LRRC66: variants seen among roughly 807,000 people sequenced by gnomAD.
LRRC66 encodes the protein leucine-rich repeat-containing protein 66.
Under a neutral mutation model 24.6 loss-of-function variants are expected in LRRC66, and 29 were observed. The observed-to-expected ratio is 1.18, with a 90% CI of 0.88 to 1.61. The LOEUF (loss-of-function observed/expected upper bound fraction) is 1.61. Among genes scored for constraint, LRRC66 ranks in the 40% most tolerant of loss-of-function variants. The pLI, the probability that LRRC66 is intolerant of heterozygous loss-of-function variation, is 0.00. For synonymous variants in LRRC66, 411 were observed against 397.6 expected, an observed-to-expected ratio of 1.03 and a Z score of -0.40; for missense variants, 1,124 against 1,058.0, an observed-to-expected ratio of 1.06 and a Z score of -0.87.
At chr4:52,017,902 G>T (rs977209243) in intron 1 of LRRC66, 56 of 985,266 alleles carry the variant, frequency 5.7e-5, no homozygotes, top group Non-Finnish European at 6.5e-5. Flanking sequence ...TGCTTTTCCA[G>T]TAGTTTTCAC....
chr4:51,997,510 T>C (rs180934764), intron 4 of LRRC66, among the ~76,000 whole-genome samples: 14 of 152,314 alleles, frequency 9.2e-5, no homozygotes, highest in East Asian at 1.9e-4. Context: ...CCAAATCCAA[T>C]TGATGCTGAG....
rs375611907 is a variant in LRRC66, at chr4:51,996,066, C to T, written c.956G>A (p.Ser319Asn). ...TCCTCCCTGGGGCCTCTCTGCTTTG[C>T]TCCTTATGAGGCTTTTCATGCGATG... ...HLHRMKSLIR[S>N]KAERPQGGRH... The change falls in exon 5 of 5, where the codon AGC (serine) becomes AAC (asparagine). Residue 319 changes from serine to asparagine, a missense_variant. Transcript: ENST00000682860. 3.7e-6 allele frequency: 6 copies of T among 1,613,972 alleles called. No individual in the cohort carries two copies. The highest frequency in any genetic ancestry group is 3.3e-5 in the South Asian group (3 of 91,082).
At chr4:52,016,776 C>A (rs1736821241) in intron 2 of LRRC66, among the ~76,000 whole-genome samples, 1 of 152,022 alleles carries the variant, frequency 6.6e-6, no homozygotes, top group Non-Finnish European at 1.5e-5. Flanking sequence ...TGTATTTGAA[C>A]TAGTTATTGC....
Position 52,003,143 on chromosome 4 carries a change from ACT to A in LRRC66, c.666+78_666+79del, listed in dbSNP as rs1736492972. ...AGCCAGTACTACTGGACATGAAGAA[ACT>A]CTTCAATAGAAATATGCTTCTAATG... On this transcript the variant is annotated intron_variant, in intron 3 of 4. Transcript: ENST00000682860. 2.6e-5 allele frequency: 30 copies of A among 1,132,182 alleles called. No individual in the cohort carries two copies. In the South Asian group the frequency reaches 4.7e-4, roughly 18 times the overall value. 70.1% of individuals were successfully genotyped at this position (1,132,182 alleles called of 1,614,324 possible).
At chr4:52,018,700 C>A (rs1298204311) in intron 1 of LRRC66, 17 of 645,422 alleles carry the variant, frequency 2.6e-5, no homozygotes, top group Non-Finnish European at 3.1e-5. Flanking sequence ...TGCCTATAGT[C>A]CAAATCCCTC....
Position 52,008,937 on chromosome 4 carries a change from TA to T in LRRC66, c.497-5546del, listed in dbSNP as rs1488155115. On this transcript the variant is annotated intron_variant, in intron 2 of 4. Coordinates refer to ENST00000682860, the MANE Select transcript of LRRC66 (RefSeq NM_001024611.3). ...AAAAACATATTGTGGAAATTATATA[TA>T]GGGGTAAAATGTAGGACAATACCTG... Among the ~76,000 whole-genome samples, 11 of 152,174 alleles carry T rather than the reference TA, an allele frequency of 7.2e-5. No homozygotes were observed. The Middle Eastern group carries it at 0.014, about 188-fold the overall frequency.
intron 2 of LRRC66, among the ~76,000 whole-genome samples, chr4:52,006,354 T>C (rs921637389): frequency 1.3e-5 from 2 of 151,964 alleles, no homozygotes; most frequent in Non-Finnish European, 2.9e-5. Context: ...ATATACACCA[T>C]GGAATACTAT....
chr4:52,006,731 A>AT (rs1736594865), intron 2 of LRRC66, among the ~76,000 whole-genome samples: 1 of 148,426 alleles, frequency 6.7e-6, no homozygotes, highest in Non-Finnish European at 1.5e-5. Flanking sequence ...ATAATAAAGA[A>AT]AAAAAAACAA....
chr4:52,019,008 C>A (rs943377936), intron 1 of LRRC66, among the ~76,000 whole-genome samples: 2 of 152,214 alleles, frequency 1.3e-5, no homozygotes, highest in Admixed American at 6.5e-5. Context: ...TCCCGAGTAG[C>A]TGGGATTACA....
chr4:51,993,976 A>G lies in LRRC66; in HGVS notation c.*403T>C. ...CTCCAGGTCTGTATTTGAGAAGGAA[A>G]GTTAGAACCACTTCGTCTAACTGCA... On this transcript the variant is annotated 3_prime_UTR_variant, in exon 5 of 5. Transcript: ENST00000682860. The G allele has an allele frequency of 6.1e-6, 1 of 164,242 alleles. No individual in the cohort carries two copies. The highest frequency in any genetic ancestry group is 1.3e-5 in the Non-Finnish European group (1 of 76,022). 10.2% of individuals were successfully genotyped at this position (164,242 alleles called of 1,614,324 possible). A position where few individuals can be genotyped will look rare whatever the true frequency, so the allele number is the denominator to read the frequency against.
At position 52,017,165 on chromosome 4, in the gene LRRC66, A is replaced by C. The variant is rs76514252; in HGVS notation, c.449T>G (p.Leu150Arg). Residue 150 changes from leucine (L) to arginine (R), a missense_variant, in exon 2 of 5, where the codon CTG (leucine) becomes CGG (arginine). Transcript: ENST00000682860. ...RSSFRNRFPL[L>R]KVLILQRNKL... ...ATTTCTTTGAAGAATGAGCACCTTC[A>C]GCAATGGAAACCTGTTTCTGAAGCT... 2.0e-3 allele frequency: 3,250 copies of C among 1,614,104 alleles called. 22 individuals are homozygous for C. In the African/African-American group the frequency reaches 0.025, roughly 12 times the overall value.
At chr4:51,999,832 T>C (rs1736406879) in intron 3 of LRRC66, among the ~76,000 whole-genome samples, 1 of 152,180 alleles carries the variant, frequency 6.6e-6, no homozygotes, top group Non-Finnish European at 1.5e-5. Context: ...GGGAGAAGCA[T>C]ATGTAATATT....
At chr4:51,999,644 G>T (rs573829051) in intron 3 of LRRC66, among the ~76,000 whole-genome samples, 2 of 152,082 alleles carry the variant, frequency 1.3e-5, no homozygotes, top group Non-Finnish European at 1.5e-5. Context: ...TTTTGTCCTA[G>T]CGTCTTATTA....
intron 2 of LRRC66, among the ~76,000 whole-genome samples, chr4:52,012,237 C>T (rs1464727036): frequency 1.3e-5 from 2 of 151,716 alleles, no homozygotes; most frequent in East Asian, 1.9e-4. Context: ...CCCGAACATA[C>T]CCAAGCATGT....
At chr4:52,013,875 C>CA (rs1211114459) in intron 2 of LRRC66, among the ~76,000 whole-genome samples, 1 of 152,202 alleles carries the variant, frequency 6.6e-6, no homozygotes, top group Non-Finnish European at 1.5e-5. Flanking sequence ...TAGATGAATG[C>CA]AAGTGCCTAT....
At chr4:51,998,622 T>G (rs1189232508) in intron 3 of LRRC66, among the ~76,000 whole-genome samples, 1 of 152,174 alleles carries the variant, frequency 6.6e-6, no homozygotes, top group Non-Finnish European at 1.5e-5. Context: ...ATTCAGTACA[T>G]GCAGTATGAC....
At chr4:52,017,054 T>C in intron 2 of LRRC66, 64 bp downstream of exon 2, 1 of 1,507,502 alleles carries the variant, frequency 6.6e-7, no homozygotes, top group Non-Finnish European at 8.9e-7. Context: ...AATGTGGAAT[T>C]CTTATGAACA....
At position 52,014,737 on chromosome 4, in the gene LRRC66, ATAATT is replaced by A. The variant is rs1736774166; in HGVS notation, c.496+2376_496+2380del. On this transcript the variant is annotated intron_variant, in intron 2 of 4. Coordinates refer to ENST00000682860, the MANE Select transcript of LRRC66 (RefSeq NM_001024611.3). ...AAACTAATATGATGATTATGGGAAA[ATAATT>A]TAAATCACAAAATACTATGGATAAA... Among the ~76,000 whole-genome samples, 3 of 152,232 alleles carry A rather than the reference ATAATT, an allele frequency of 2.0e-5. No individual in the cohort carries two copies. The South Asian group carries it at 6.2e-4, about 31-fold the overall frequency.
In LRRC66 at chr4:52,019,369, A is replaced by G. The variant is rs74616097; in HGVS notation, c.-6+935T>C. Among the ~76,000 whole-genome samples, 558 of 152,024 alleles carry G rather than the reference A, an allele frequency of 3.7e-3. 5 individuals carry two copies. Among genetic ancestry groups the G allele is most frequent in the African/African-American group, 0.013 (531 of 41,526 alleles). On this transcript the variant is annotated intron_variant, in intron 1 of 4. Coordinates refer to ENST00000682860, the MANE Select transcript of LRRC66 (RefSeq NM_001024611.3). ...TCTGTTCTGAACTCCCAAAAAAAAA[A>G]GGAACATTATCTATCTATCTATCTA... is the stretch of plus-strand genomic sequence containing the variant.
Sources: allele counts gnomAD v4.1 joint callset (sites outside exome capture counted in the v4.1 genomes callset), GRCh38; gene constraint gnomAD v4.1.1; transcripts MANE v1.5; gene names NCBI Gene and HGNC (gene_info 2026-07-23, HGNC 2026-07-21).